The following DGLUCY variants were observed in gnomAD, a reference collection of about 807,000 sequenced individuals.
DGLUCY encodes D-glutamate cyclase.
A neutral mutation model predicts 58.5 loss-of-function variants in DGLUCY; 58 were observed. That is an observed-to-expected ratio of 0.99 (90% CI 0.80 to 1.23). The LOEUF (loss-of-function observed/expected upper bound fraction) is 1.23, where lower values mean the gene tolerates loss of function less well. Among genes scored for constraint, DGLUCY ranks in the 50% most tolerant of loss-of-function variants. The pLI is 0.00. For missense variants in DGLUCY, 779 were observed against 784.7 expected, an observed-to-expected ratio of 0.99 and a Z score of 0.09; for synonymous variants, 325 against 314.1, an observed-to-expected ratio of 1.03 and a Z score of -0.37.
chr14:91,149,011 G>C (rs936546715), intron 1 of DGLUCY, among the ~76,000 whole-genome samples: 6 of 151,966 alleles, frequency 3.9e-5, no homozygotes, highest in African/African-American at 1.4e-4. Flanking sequence ...ACTTTGGGAG[G>C]CCGAGGCGGG....
chr14:91,166,507 A>G (rs572655771), intron 3 of DGLUCY, among the ~76,000 whole-genome samples: 1 of 152,242 alleles, frequency 6.6e-6, no homozygotes. Flanking sequence ...CCTACTAAAA[A>G]TACAAAAATT....
chr14:91,087,953 A>G (rs904769355), intron 1 of DGLUCY, among the ~76,000 whole-genome samples: 28 of 152,204 alleles, frequency 1.8e-4, no homozygotes, highest in Admixed American at 7.2e-4. Context: ...AGCCAGCTAC[A>G]ATGAGACAGC....
chr14:91,163,051 A>T (rs1213511702), intron 3 of DGLUCY, among the ~76,000 whole-genome samples: 1 of 152,160 alleles, frequency 6.6e-6, no homozygotes, highest in Non-Finnish European at 1.5e-5. Context: ...TGAGGTCAGG[A>T]GTTCAAGATC....
intron 1 of DGLUCY, among the ~76,000 whole-genome samples, chr14:91,084,032 T>C (rs2044170749): frequency 6.6e-6 from 1 of 152,174 alleles, no homozygotes; most frequent in Non-Finnish European, 1.5e-5. Flanking sequence ...TTCTCTGTCC[T>C]GTTCTTGCTG....
intron 1 of DGLUCY, among the ~76,000 whole-genome samples, chr14:91,140,805 T>A (rs2046621081): frequency 6.6e-6 from 1 of 152,166 alleles, no homozygotes; most frequent in African/African-American, 2.4e-5. Flanking sequence ...ACCTGGACAT[T>A]CCCAAGTAAA....
intron 6 of DGLUCY, chr14:91,173,643 G>C: frequency 1.6e-6 from 1 of 635,270 alleles, no homozygotes; most frequent in Non-Finnish European, 2.5e-6. Flanking sequence ...AGCTCCCATG[G>C]CTTGTCTTTG....
intron 8 of DGLUCY, among the ~76,000 whole-genome samples, chr14:91,182,482 G>GGCGT (rs1331615258): frequency 6.6e-6 from 1 of 151,748 alleles, no homozygotes; most frequent in African/African-American, 2.4e-5. Flanking sequence ...TAGAGATGGG[G>GGCGT]GCGTGGTGTC....
At position 91,188,949 on chromosome 14, in the gene DGLUCY, T is replaced by G; in HGVS notation, c.974T>G (p.Leu325Arg). ...GIGHLLCKDE[L>R]LKASLSLSHA... ...GGGCACCTGCTCTGTAAAGATGAGC[T>G]GCTGAAGGCCTCTCTCTCGCTGTCC... Residue 325 changes from leucine (L) to arginine (R), a missense_variant, in exon 9 of 14, where the codon CTG becomes CGG. By Grantham distance (102) the Leu-to-Arg change is moderately radical. Transcript: ENST00000256324. The G allele has an allele frequency of 1.2e-6, 2 of 1,614,230 alleles. No individual in the cohort carries two copies. The highest frequency in any genetic ancestry group is 1.7e-6 in the Non-Finnish European group (2 of 1,180,036).
intron 1 of DGLUCY, among the ~76,000 whole-genome samples, chr14:91,063,079 C>T (rs190541597): frequency 6.6e-6 from 1 of 152,246 alleles, no homozygotes; most frequent in East Asian, 1.9e-4. Flanking sequence ...CAGGGTGCTA[C>T]AATAGAATGT....
chr14:91,149,730 A>G (rs540271248), intron 1 of DGLUCY, among the ~76,000 whole-genome samples: 5 of 152,366 alleles, frequency 3.3e-5, no homozygotes, highest in African/African-American at 1.2e-4. Context: ...TGTGAAACAG[A>G]AGGGTTGGCC....
chr14:91,171,270 A>G (rs1474371825), intron 5 of DGLUCY, among the ~76,000 whole-genome samples: 2 of 152,248 alleles, frequency 1.3e-5, no homozygotes, highest in East Asian at 1.9e-4. Flanking sequence ...TACAATGTCA[A>G]TAACAGAGAT....
chr14:91,076,567 A>G lies in DGLUCY; in HGVS notation c.-82+15863A>G, dbSNP rs189038282. Among the ~76,000 whole-genome samples, 78 of 152,284 alleles carry G rather than the reference A, an allele frequency of 5.1e-4. 1 individual carries two copies. Among genetic ancestry groups the G allele is most frequent in the African/African-American group, 1.8e-3 (74 of 41,556 alleles). On this transcript the variant is annotated intron_variant, in intron 1 of 4. Transcript: ENST00000521334. ...GCAATAGTGTCTTGAGTGTTCCAAT[A>G]GGAACCTGTTTAGGACCCGGTGGAG... is the stretch of plus-strand genomic sequence containing the variant.
Position 91,224,788 on chromosome 14 carries a change from C to T in DGLUCY, c.1821C>T (p.Ala607=), listed in dbSNP as rs373378972. The T allele has an allele frequency of 1.2e-5, 19 of 1,613,380 alleles. No individual in the cohort carries two copies. The highest frequency in any genetic ancestry group is 1.7e-5 in the Admixed American group (1 of 59,958). The change falls in exon 14 of 14, where the codon GCC becomes GCT. Residue 607 remains alanine (A), a synonymous_variant. Transcript: ENST00000256324. Reference sequence around the variant, plus strand: ...GGCTGCCCTTCCACAACACCCACGCCGAGATGATCCAGAAGCTGGTGGACG... The same window carrying T: ...GGCTGCCCTTCCACAACACCCACGCTGAGATGATCCAGAAGCTGGTGGACG... The part of the protein sequence containing the change: ...VDGLPFHNTH[A]EMIQKLVDVT...
chr14:91,152,306 A>G (rs1211134179), intron 1 of DGLUCY, among the ~76,000 whole-genome samples: 1 of 152,138 alleles, frequency 6.6e-6, no homozygotes, highest in African/African-American at 2.4e-5. Context: ...CTTAGGTGGG[A>G]GGATGGCTTG....
intron 1 of DGLUCY, among the ~76,000 whole-genome samples, chr14:91,156,800 G>A (rs543861402): frequency 2.6e-5 from 4 of 152,156 alleles, no homozygotes; most frequent in East Asian, 1.9e-4. Flanking sequence ...AGACCACTCC[G>A]GAAAACAAGA....
At chr14:91,072,710 A>G (rs1034796263) in intron 1 of DGLUCY, among the ~76,000 whole-genome samples, 3 of 151,668 alleles carry the variant, frequency 2.0e-5, no homozygotes, top group African/African-American at 7.2e-5. Context: ...CTTTTTAGAA[A>G]AGCTCATTCT....
upstream of DGLUCY, among the ~76,000 whole-genome samples, chr14:91,112,371 A>G (rs2044719044): frequency 6.6e-6 from 1 of 152,196 alleles, no homozygotes; most frequent in Non-Finnish European, 1.5e-5. Context: ...TGGAAACATG[A>G]CACCATGACA....
chr14:91,204,443 G>A (rs1006072174), intron 11 of DGLUCY, among the ~76,000 whole-genome samples: 8 of 152,162 alleles, frequency 5.3e-5, no homozygotes, highest in Admixed American at 4.6e-4. Context: ...AGCATAGAAC[G>A]TGCTCCATCT....
chr14:91,160,289 G>A lies in DGLUCY; in HGVS notation c.-6G>A, dbSNP rs1566973777. The A allele has an allele frequency of 6.2e-7, 1 of 1,607,970 alleles. No individual in the cohort carries two copies. The highest frequency in any genetic ancestry group is 2.2e-5 in the East Asian group (1 of 44,818). On this transcript the variant is annotated 5_prime_UTR_variant, in exon 3 of 14. Coordinates refer to ENST00000256324, the MANE Select transcript of DGLUCY (RefSeq NM_001102368.3). The stretch of plus-strand genomic sequence containing the variant: ...AGATTCTCTGCTACTTATTCAAGTT[G>A]ACACGATGCCCTTCACACTCCACCT...
Sources: allele counts gnomAD v4.1 joint callset (sites outside exome capture counted in the v4.1 genomes callset), GRCh38; gene constraint gnomAD v4.1.1; transcripts MANE v1.5; gene names NCBI Gene and HGNC (gene_info 2026-07-23, HGNC 2026-07-21).